The following RNF115 variants were observed in gnomAD, a reference collection of about 807,000 sequenced individuals.
The protein encoded by RNF115 is ring finger protein 115, also known as E3 ubiquitin-protein ligase RNF115.
Under a neutral mutation model 39.2 loss-of-function variants are expected in RNF115, and 31 were observed. That is an observed-to-expected ratio of 0.79 (90% CI 0.59 to 1.07). The LOEUF (loss-of-function observed/expected upper bound fraction) is 1.07. Ranked by LOEUF, RNF115 falls within the 50% of genes least tolerant of loss-of-function variation. RNF115 has a pLI of 0.00. For missense variants in RNF115, 384 were observed against 381.7 expected (o/e 1.01, Z -0.05); for synonymous variants, 124 against 131.0 (o/e 0.95, Z 0.37).
At chr1:145,794,144 C>T (rs1414399686) in intron 1 of RNF115, among the ~76,000 whole-genome samples, 2 of 152,074 alleles carry the variant, frequency 1.3e-5, no homozygotes, top group Admixed American at 6.6e-5. Context: ...ACGCCCAGCC[C>T]GAATATCTTC....
chr1:145,807,951 T>C (rs1474953869), intron 1 of RNF115, among the ~76,000 whole-genome samples: 1 of 152,206 alleles, frequency 6.6e-6, no homozygotes, highest in Non-Finnish European at 1.5e-5. Context: ...TATTTGTCTT[T>C]CTGTGCCTGG....
rs16827104 is a variant in RNF115, at chr1:145,802,314, T to C, written c.103-13348A>G. 2.8e-3 allele frequency among the ~76,000 whole-genome samples: 430 copies of C among 152,206 alleles called. 3 individuals carry two copies. Among genetic ancestry groups the C allele is most frequent in the African/African-American group, 0.01 (417 of 41,518 alleles). On this transcript the variant is annotated intron_variant, in intron 1 of 8. Coordinates refer to ENST00000582693, the MANE Select transcript of RNF115 (RefSeq NM_014455.4). The stretch of plus-strand genomic sequence containing the variant: ...AGCTTAGCCCTGATGCTTACCCACT[T>C]AAAAGAACAGCCCAAGAGGACACAA...
intron 6 of RNF115, 115 bp from the exon 7 acceptor site, chr1:145,750,615 A>C: frequency 2.7e-6 from 2 of 741,478 alleles, no homozygotes; most frequent in South Asian, 1.7e-5. Context: ...AGTTACTCTT[A>C]CTTCTGCAAG....
intron 1 of RNF115, among the ~76,000 whole-genome samples, chr1:145,821,988 C>T (rs1650267708): frequency 7.1e-6 from 1 of 139,930 alleles, no homozygotes; most frequent in Admixed American, 7.1e-5. Context: ...GAAATATGGC[C>T]AAAAAAAAAA....
chr1:145,775,148 G>A (rs185707156), intron 3 of RNF115, among the ~76,000 whole-genome samples: 14 of 152,262 alleles, frequency 9.2e-5, no homozygotes, highest in Admixed American at 9.1e-4. Flanking sequence ...TCGGGAGGCT[G>A]AGTGGGGAGG....
intron 4 of RNF115, among the ~76,000 whole-genome samples, chr1:145,770,705 C>T (rs1484743824): frequency 6.6e-6 from 1 of 152,144 alleles, no homozygotes; most frequent in African/African-American, 2.4e-5. Flanking sequence ...AGCAATAGCA[C>T]CTATTACTTC....
intron 4 of RNF115, among the ~76,000 whole-genome samples, chr1:145,766,662 C>T (rs1214150937): frequency 9.6e-5 from 14 of 145,182 alleles, no homozygotes; most frequent in South Asian, 2.2e-4. Context: ...GGCGGCTGGC[C>T]GGGCGGGGGG....
chr1:145,807,484 T>C (rs1409689990), intron 1 of RNF115, among the ~76,000 whole-genome samples: 1 of 152,202 alleles, frequency 6.6e-6, no homozygotes, highest in African/African-American at 2.4e-5. Context: ...TTTTAAAGAT[T>C]AGTAAACTAA....
intron 3 of RNF115, among the ~76,000 whole-genome samples, chr1:145,780,204 G>C (rs1222812656): frequency 1.3e-5 from 2 of 151,958 alleles, no homozygotes; most frequent in Non-Finnish European, 2.9e-5. Flanking sequence ...CTCCAGCCTG[G>C]GCAACAGAGC....
intron 1 of RNF115, among the ~76,000 whole-genome samples, chr1:145,795,127 G>A (rs1553719739): frequency 6.6e-6 from 1 of 151,990 alleles, no homozygotes; most frequent in Non-Finnish European, 1.5e-5. Flanking sequence ...CTGACTTCAG[G>A]AGTGAAGCCG....
intron 4 of RNF115, among the ~76,000 whole-genome samples, chr1:145,769,573 G>T (rs1433407805): frequency 6.6e-6 from 1 of 151,894 alleles, no homozygotes; most frequent in Non-Finnish European, 1.5e-5. Flanking sequence ...AAGATACCAG[G>T]TCCAGATGGA....
At chr1:145,784,477 C>G (rs1273480100) in intron 3 of RNF115, 62 bp downstream of exon 3, 3 of 1,417,494 alleles carry the variant, frequency 2.1e-6, no homozygotes, top group Non-Finnish European at 3.0e-6. Flanking sequence ...AAGTTAGTAT[C>G]TGCCATGATT....
chr1:145,801,930 G>A (rs1321767519), intron 1 of RNF115, among the ~76,000 whole-genome samples: 1 of 152,120 alleles, frequency 6.6e-6, no homozygotes. Flanking sequence ...TGGGACTACA[G>A]GTGTATACCA....
chr1:145,798,817 T>C (rs1553720449), intron 1 of RNF115, among the ~76,000 whole-genome samples: 1 of 152,188 alleles, frequency 6.6e-6, no homozygotes, highest in African/African-American at 2.4e-5. Context: ...TTCTATTTAT[T>C]TGTATGCTCT....
At chr1:145,794,483 A>G (rs1553719513) in intron 1 of RNF115, among the ~76,000 whole-genome samples, 2 of 145,980 alleles carry the variant, frequency 1.4e-5, no homozygotes, top group Non-Finnish European at 3.0e-5. Context: ...CTGCATGGCA[A>G]GGGGCATCTA....
intron 3 of RNF115, among the ~76,000 whole-genome samples, chr1:145,775,126 T>A (rs1647821107): frequency 6.6e-6 from 1 of 152,120 alleles, no homozygotes; most frequent in Admixed American, 6.5e-5. Context: ...AAGCACCTGA[T>A]GTTCCAGCTA....
At chr1:145,758,627 G>A (rs1658387915) in intron 4 of RNF115, among the ~76,000 whole-genome samples, 1 of 152,194 alleles carries the variant, frequency 6.6e-6, no homozygotes, top group Non-Finnish European at 1.5e-5. Flanking sequence ...TGACCAATAA[G>A]TAAATGGTAA....
intron 1 of RNF115, among the ~76,000 whole-genome samples, chr1:145,796,489 T>C (rs1308965353): frequency 6.6e-6 from 1 of 151,710 alleles, no homozygotes; most frequent in Non-Finnish European, 1.5e-5. Flanking sequence ...CGCAGTGGCA[T>C]GATCTCAACT....
intron 1 of RNF115, among the ~76,000 whole-genome samples, chr1:145,794,088 C>T (rs1220637451): frequency 2.0e-5 from 3 of 152,188 alleles, no homozygotes; most frequent in Non-Finnish European, 4.4e-5. Flanking sequence ...GAGTGATCCG[C>T]CTGCCTCAGC....
Sources: allele counts gnomAD v4.1 joint callset (sites outside exome capture counted in the v4.1 genomes callset), GRCh38; gene constraint gnomAD v4.1.1; transcripts MANE v1.5; gene names NCBI Gene and HGNC (gene_info 2026-07-23, HGNC 2026-07-21).